Variants in WDR35 observed in about 807,000 individuals in gnomAD.
WDR35 encodes the protein WD repeat-containing protein 35.
In WDR35, 118 loss-of-function variants were observed where a neutral mutation model predicts 158.3. That is an observed-to-expected ratio of 0.75 (90% CI 0.64 to 0.87). The LOEUF is 0.87. WDR35 is among the 40% of genes least tolerant of loss of function. The pLI is 0.00. For synonymous variants in WDR35, 448 were observed against 476.1 expected, an observed-to-expected ratio of 0.94 and a Z score of 0.77; for missense variants, 1,263 against 1,405.8, an observed-to-expected ratio of 0.90 and a Z score of 1.62.
At chr2:19,987,965 G>A (rs1047378465) in intron 2 of WDR35, among the ~76,000 whole-genome samples, 6 of 151,076 alleles carry the variant, frequency 4.0e-5, no homozygotes, top group African/African-American at 1.5e-4. Flanking sequence ...TTTTAACACA[G>A]TTTTAAAAAA....
intron 16 of WDR35, among the ~76,000 whole-genome samples, chr2:19,945,438 CT>C (rs1671015173): frequency 6.6e-6 from 1 of 152,018 alleles, no homozygotes; most frequent in Admixed American, 6.6e-5. Context: ...TTATTAGGTT[CT>C]TTTCAGAAAT....
chr2:19,932,517 GA>G, intron 22 of WDR35, 70 bp from the exon 23 acceptor site: 1 of 1,590,874 alleles, frequency 6.3e-7, no homozygotes, highest in Non-Finnish European at 8.6e-7. Flanking sequence ...ATTCACACAA[GA>G]AAGCTTTAAG....
chr2:19,969,755 T>C, intron 8 of WDR35, 150 bp from the exon 9 acceptor site: 1 of 909,576 alleles, frequency 1.1e-6, no homozygotes, highest in Non-Finnish European at 1.6e-6. Flanking sequence ...TGAATTTTTT[T>C]TTTTTTTTTT....
chr2:19,921,770 C>T (rs779017009), intron 25 of WDR35, among the ~76,000 whole-genome samples: 19 of 152,162 alleles, frequency 1.2e-4, no homozygotes, highest in Admixed American at 3.3e-4. Flanking sequence ...GCAAAAGAAA[C>T]TATCAACAGA....
Position 19,936,288 on chromosome 2 carries a change from T to A in WDR35, c.2345A>T (p.Asp782Val), listed in dbSNP as rs759703706. Residue 782 changes from aspartate (D) to valine (V), a missense_variant, in exon 20 of 27, where the codon GAT (aspartate) becomes GTT (valine). Coordinates refer to ENST00000281405, the MANE Select transcript of WDR35 (RefSeq NM_020779.4). ...VLQLLKTGSGDADDSLLEQAN... is the reference protein window; with the variant it reads ...VLQLLKTGSGVADDSLLEQAN... Reference sequence around the variant, plus strand: ...TTGTTCCAGGAGACTGTCATCTGCATCACCAGATCCAGTTTTCAGGAGCTG... The same window carrying A: ...TTGTTCCAGGAGACTGTCATCTGCAACACCAGATCCAGTTTTCAGGAGCTG... The A allele has an allele frequency of 1.2e-5, 20 of 1,614,044 alleles. No homozygotes were observed. The South Asian group carries it at 2.2e-4, about 18-fold the overall frequency.
rs62109408 is a variant in WDR35 at position 19,928,474 on chromosome 2, G to A, written c.3121+1922C>T. Among the ~76,000 whole-genome samples, 1,234 of 152,168 alleles carry A rather than the reference G, an allele frequency of 8.1e-3. 12 individuals are homozygous for A. The highest frequency in any genetic ancestry group is 0.014 in the Non-Finnish European group (951 of 68,016). Reference sequence around the variant, plus strand: ...GTGTGTCTTTAATTCCTCTAGCGCCGCTTGGTTAGGGTCTCCCTGACTGAG... The same window carrying A: ...GTGTGTCTTTAATTCCTCTAGCGCCACTTGGTTAGGGTCTCCCTGACTGAG... On this transcript the variant is annotated intron_variant, in intron 25 of 26. Transcript: ENST00000281405.
chr2:19,931,209 C>CTTTTTTTTTTTTTTTT, intron 24 of WDR35, 60 bp downstream of exon 24: 1 of 1,225,642 alleles, frequency 8.2e-7, no homozygotes. Context: ...TTAATAGTTT[C>CTTTTTTTTTTTTTTTT]TTTTTTTTTT....
intron 19 of WDR35, 69 bp from the exon 20 acceptor site, chr2:19,936,434 T>G (rs1670699906): frequency 1.2e-6 from 2 of 1,606,616 alleles, no homozygotes; most frequent in Non-Finnish European, 1.7e-6. Context: ...CTGCTGTGTG[T>G]TAGGTACAGT....
chr2:19,983,215 A>G lies in WDR35; in HGVS notation c.143-681T>C, dbSNP rs542563981. Among the ~76,000 whole-genome samples, 3 of 152,320 alleles carry G rather than the reference A, an allele frequency of 2.0e-5. No homozygotes were observed. The South Asian group carries it at 6.2e-4, about 32-fold the overall frequency. On this transcript the variant is annotated intron_variant, in intron 2 of 26. Coordinates refer to ENST00000281405, the MANE Select transcript of WDR35 (RefSeq NM_020779.4). The stretch of plus-strand genomic sequence containing the variant: ...GATATTTAAGCTGAGACTGAGAGGT[A>G]AACTGGAGATAGCCAGGAAAGGTAG...
rs1670668221 is a variant in WDR35 at position 19,935,595 on chromosome 2, G to A, written c.2423C>T (p.Ala808Val). 1 of 1,612,126 alleles carries A rather than the reference G, an allele frequency of 6.2e-7. No individual in the cohort carries two copies. The highest frequency in any genetic ancestry group is 8.5e-7 in the Non-Finnish European group (1 of 1,179,496). The change falls in exon 21 of 27, where the codon GCT becomes GTT. Residue 808 changes from alanine to valine, a missense_variant. Ala to Val is a moderately conservative substitution (Grantham distance 64, BLOSUM62 0). Transcript: ENST00000281405. Reference sequence around the variant, plus strand: ...CCGTCCTTGTACATAATATTGTACAGCATTCAACCTACAGAAAGAAAAAAG... The same window carrying A: ...CCGTCCTTGTACATAATATTGTACAACATTCAACCTACAGAAAGAAAAAAG... ...YFADRQKWLN[A>V]VQYYVQGRNQ...
intron 9 of WDR35, among the ~76,000 whole-genome samples, chr2:19,968,084 C>T (rs1013247317): frequency 2.0e-5 from 3 of 152,064 alleles, no homozygotes; most frequent in Non-Finnish European, 4.4e-5. Context: ...TGTAGATTGT[C>T]CCTCAATTTG....
At chr2:19,984,269 C>T (rs1335084756) in intron 2 of WDR35, among the ~76,000 whole-genome samples, 3 of 152,142 alleles carry the variant, frequency 2.0e-5, no homozygotes, top group Admixed American at 1.3e-4. Flanking sequence ...AACTCCGTAA[C>T]TTGATCATGT....
chr2:19,988,101 A>G (rs1401931878), intron 2 of WDR35, among the ~76,000 whole-genome samples: 1 of 152,098 alleles, frequency 6.6e-6, no homozygotes, highest in Non-Finnish European at 1.5e-5. Context: ...ATGTGAGACA[A>G]ACTTAGTTTC....
intron 2 of WDR35, among the ~76,000 whole-genome samples, chr2:19,986,552 A>C (rs1304239629): frequency 6.6e-6 from 1 of 152,242 alleles, no homozygotes; most frequent in Non-Finnish European, 1.5e-5. Flanking sequence ...ATAATGTTTC[A>C]AGTCAAATCC....
chr2:19,948,743 T>C (rs1309531092), intron 13 of WDR35, among the ~76,000 whole-genome samples: 1 of 151,894 alleles, frequency 6.6e-6, no homozygotes, highest in Non-Finnish European at 1.5e-5. Context: ...GTAACAAAAC[T>C]ATAGAGATGG....
Position 19,932,465 on chromosome 2 carries a change from C to G in WDR35, c.2659-18G>C, listed in dbSNP as rs374774901. The stretch of plus-strand genomic sequence containing the variant: ...TTGTTCCACTAGGAGAAAAATTACA[C>G]CATTCAGTCACCCAAGTATTTACAG... On this transcript the variant is annotated intron_variant, in intron 22 of 26. Coordinates refer to ENST00000281405, the MANE Select transcript of WDR35 (RefSeq NM_020779.4). 2 of 1,612,794 alleles carry G rather than the reference C, an allele frequency of 1.2e-6. No individual in the cohort carries two copies. Among genetic ancestry groups the G allele is most frequent in the African/African-American group, 2.7e-5 (2 of 74,876 alleles).
rs779065567 is a variant in WDR35, at chr2:19,980,701, C to A, written c.297G>T (p.Met99Ile). The A allele has an allele frequency of 6.2e-7, 1 of 1,613,084 alleles. No individual in the cohort carries two copies. The highest frequency in any genetic ancestry group is 1.1e-5 in the South Asian group (1 of 91,056). ...CCTAGTAAAGTATACCTTTATATAA[C>A]ATCCACACAATGATAAGCCCGTTTT... ...SDENGLIIVW[M>I]LYKGSWIEEM... is the part of the protein sequence containing the mutation. The change falls in exon 4 of 27, where the codon ATG becomes ATT. Residue 99 changes from methionine (M) to isoleucine (I), a missense_variant. By Grantham distance (10) the Met-to-Ile change is conservative (BLOSUM62 1). Coordinates refer to ENST00000281405, the MANE Select transcript of WDR35 (RefSeq NM_020779.4).
chr2:19,964,454 G>C (rs1035831498), intron 10 of WDR35, among the ~76,000 whole-genome samples: 1 of 147,376 alleles, frequency 6.8e-6, no homozygotes, highest in African/African-American at 2.5e-5. Flanking sequence ...CGTGATCTCG[G>C]CCCACCGCAA....
At position 19,978,871 on chromosome 2, in the gene WDR35, T is replaced by A. The variant is rs756093957; in HGVS notation, c.316A>T (p.Ile106Phe). The A allele has an allele frequency of 1.2e-6, 2 of 1,613,564 alleles. No homozygotes were observed. Among genetic ancestry groups the A allele is most frequent in the Non-Finnish European group, 1.7e-6 (2 of 1,179,810 alleles). The change falls in exon 5 of 27, where the codon ATT becomes TTT. Residue 106 changes from isoleucine (I) to phenylalanine (F), a missense_variant. Coordinates refer to ENST00000281405, the MANE Select transcript of WDR35 (RefSeq NM_020779.4). ...TTTCGATTGTTGATCATCTCCTCAA[T>A]CCAAGAGCCTGTTTTCACAAATTTA... ...IVWMLYKGSW[I>F]EEMINNRNKS... is the part of the protein sequence containing the mutation.
Sources: allele counts gnomAD v4.1 joint callset (sites outside exome capture counted in the v4.1 genomes callset), GRCh38; gene constraint gnomAD v4.1.1; transcripts MANE v1.5; gene names NCBI Gene and HGNC (gene_info 2026-07-23, HGNC 2026-07-21).